PVT1: variants seen among roughly 807,000 people sequenced by gnomAD.
The protein encoded by PVT1 is CXCR4/PVT1 fusion.
At chr8:127,954,417 C>T (rs1478500092) in intron 3 of PVT1, among the ~76,000 whole-genome samples, 1 of 151,724 alleles carries the variant, frequency 6.6e-6, no homozygotes, top group African/African-American at 2.4e-5. Flanking sequence ...GCCTCAGCCT[C>T]CCCAGTAGCT....
intron 3 of PVT1, among the ~76,000 whole-genome samples, chr8:127,988,086 C>A (rs977826719): frequency 1.3e-5 from 2 of 152,182 alleles, no homozygotes; most frequent in South Asian, 2.1e-4. Context: ...ATATGACAAC[C>A]AGAGTGCCTC....
At chr8:127,868,710 G>GT (rs1180515955) in intron 2 of PVT1, among the ~76,000 whole-genome samples, 3 of 84,870 alleles carry the variant, frequency 3.5e-5, no homozygotes, top group South Asian at 4.3e-4. Flanking sequence ...TGGCCCACAG[G>GT]TTTTTTTTAA....
intron 2 of PVT1, among the ~76,000 whole-genome samples, chr8:127,881,840 C>T (rs1247616749): frequency 6.6e-6 from 1 of 152,100 alleles, no homozygotes; most frequent in Non-Finnish European, 1.5e-5. Flanking sequence ...TTCCTGGACT[C>T]AAGGAATCCT....
chr8:127,952,858 A>G (rs867520168), intron 3 of PVT1, among the ~76,000 whole-genome samples: 5 of 151,150 alleles, frequency 3.3e-5, no homozygotes, highest in African/African-American at 7.3e-5. Flanking sequence ...TCCACCTCCC[A>G]GGTTCACGCC....
chr8:127,838,329 G>C lies in PVT1; in HGVS notation n.372+42258G>C, dbSNP rs532230191. Among the ~76,000 whole-genome samples, 33 of 152,310 alleles carry C rather than the reference G, an allele frequency of 2.2e-4. No individual in the cohort carries two copies. The South Asian group carries it at 5.2e-3, about 24-fold the overall frequency. On this transcript the variant is annotated intron_variant and non_coding_transcript_variant, in intron 2 of 10. Coordinates refer to ENST00000651587, the Ensembl canonical transcript of PVT1. ...AGGCTATGGACAGATACTGGTAATG[G>C]AACCTGTGCTCAGAATTGTTGGGAA...
chr8:127,981,928 T>C (rs1246305740), intron 3 of PVT1, among the ~76,000 whole-genome samples: 1 of 152,220 alleles, frequency 6.6e-6, no homozygotes, highest in African/African-American at 2.4e-5. Context: ...AACCCAGGGT[T>C]CTCTGAGTCA....
intron 3 of PVT1, among the ~76,000 whole-genome samples, chr8:127,900,556 C>A (rs115380217): frequency 6.6e-6 from 1 of 152,152 alleles, no homozygotes; most frequent in Admixed American, 6.6e-5. Flanking sequence ...GGTGACATAA[C>A]GTATAAGATG....
chr8:127,928,984 G>A (rs1816166901), intron 3 of PVT1, among the ~76,000 whole-genome samples: 1 of 152,110 alleles, frequency 6.6e-6, no homozygotes, highest in Non-Finnish European at 1.5e-5. Context: ...CATGATATGC[G>A]GCTGCACAGC....
intron 3 of PVT1, among the ~76,000 whole-genome samples, chr8:127,971,908 A>G (rs1377911098): frequency 6.6e-6 from 1 of 152,224 alleles, no homozygotes; most frequent in African/African-American, 2.4e-5. Context: ...GTCTTCGGAC[A>G]GTCCGGCCAA....
At chr8:127,855,947 C>G (rs1396821196) in intron 2 of PVT1, among the ~76,000 whole-genome samples, 2 of 152,228 alleles carry the variant, frequency 1.3e-5, no homozygotes, top group African/African-American at 4.8e-5. Context: ...TCCATAATCT[C>G]GCCCCTCCCT....
intron 3 of PVT1, among the ~76,000 whole-genome samples, chr8:127,916,451 G>A (rs1341190309): frequency 1.3e-5 from 2 of 152,134 alleles, no homozygotes; most frequent in East Asian, 3.8e-4. Flanking sequence ...ACCTCAATGT[G>A]GGCCTGGTCA....
At chr8:127,913,064 G>A (rs187218336) in intron 3 of PVT1, among the ~76,000 whole-genome samples, 11 of 151,780 alleles carry the variant, frequency 7.2e-5, no homozygotes, top group Admixed American at 6.6e-4. Flanking sequence ...TGGCCAGGCT[G>A]GTCTTGAACT....
intron 2 of PVT1, among the ~76,000 whole-genome samples, chr8:127,888,201 A>G (rs973165100): frequency 2.6e-5 from 4 of 151,990 alleles, no homozygotes; most frequent in African/African-American, 9.7e-5. Flanking sequence ...CGGCCTCCCA[A>G]AGTGCTGGGA....
At chr8:128,018,461 C>T (rs1450046753) in intron 4 of PVT1, among the ~76,000 whole-genome samples, 1 of 152,206 alleles carries the variant, frequency 6.6e-6, no homozygotes, top group African/African-American at 2.4e-5. Flanking sequence ...GTAACAGCTT[C>T]TTTACCACTA....
intron 3 of PVT1, among the ~76,000 whole-genome samples, chr8:127,917,434 G>A (rs559831355): frequency 1.3e-5 from 2 of 152,302 alleles, no homozygotes; most frequent in Admixed American, 1.3e-4. Context: ...GCTCTCCCTT[G>A]AGATCCCTTT....
At chr8:128,008,998 G>T in intron 4 of PVT1, 1 of 502,318 alleles carries the variant, frequency 2.0e-6, no homozygotes, top group Non-Finnish European at 4.2e-6. Flanking sequence ...CCTATTCCCA[G>T]GCAGTATAAA....
intron 4 of PVT1, among the ~76,000 whole-genome samples, chr8:128,061,129 C>T (rs1813825784): frequency 6.6e-6 from 1 of 152,238 alleles, no homozygotes; most frequent in African/African-American, 2.4e-5. Flanking sequence ...AGGCTGGTCT[C>T]AAACTCCTGA....
chr8:128,016,754 A>T (rs1817379441), intron 4 of PVT1, among the ~76,000 whole-genome samples: 2 of 152,202 alleles, frequency 1.3e-5, no homozygotes, highest in African/African-American at 4.8e-5. Flanking sequence ...CCCAGGTGAC[A>T]CGACATGGTT....
At chr8:128,005,362 A>G (rs1240058935) in intron 4 of PVT1, among the ~76,000 whole-genome samples, 5 of 152,208 alleles carry the variant, frequency 3.3e-5, no homozygotes, top group Admixed American at 2.0e-4. Context: ...AAAAGATTGG[A>G]CACCCCTGTC....
Sources: gnomAD v4.1 joint callset for allele counts (sites outside exome capture counted in the v4.1 genomes callset) on GRCh38, gnomAD v4.1.1 for gene constraint, MANE v1.5 for transcripts, NCBI Gene and HGNC (gene_info 2026-07-23, HGNC 2026-07-21) for gene names.